DLG2: variants seen among roughly 807,000 people sequenced by gnomAD.
The protein encoded by DLG2 is disks large homolog 2.
Under a neutral mutation model 132.5 loss-of-function variants are expected in DLG2, and 45 were observed. That is an observed-to-expected ratio of 0.34 (90% CI 0.27 to 0.44). The LOEUF (loss-of-function observed/expected upper bound fraction) is 0.44, where lower values mean the gene tolerates loss of function less well. Ranked by LOEUF, DLG2 falls within the 20% of genes least tolerant of loss-of-function variation. DLG2 has a pLI of 1.00. For missense variants in DLG2, 1,045 were observed against 1,196.9 expected, an observed-to-expected ratio of 0.87 and a Z score of 1.87; for synonymous variants, 424 against 419.6, an observed-to-expected ratio of 1.01 and a Z score of -0.13.
At position 84,960,439 on chromosome 11, in the gene DLG2, CT is replaced by C. The variant is rs35143980; in HGVS notation, c.357+151221del. 4.3e-3 allele frequency among the ~76,000 whole-genome samples: 622 copies of C among 144,814 alleles called. 1 individual carries two copies. Among genetic ancestry groups the C allele is most frequent in the Admixed American group, 5.5e-3 (80 of 14,492 alleles). On this transcript the variant is annotated intron_variant, in intron 6 of 27. Coordinates refer to ENST00000376104, the MANE Select transcript of DLG2 (RefSeq NM_001142699.3). ...TATAACAAAATGTAAATTCTTTTAA[CT>C]TTTTTTTTTTTTTGAGATAGAGTCT...
chr11:85,252,606 AAGTT>A (rs1219984667), intron 4 of DLG2, among the ~76,000 whole-genome samples: 1 of 152,118 alleles, frequency 6.6e-6, no homozygotes. Context: ...AAAATAAAAA[AAGTT>A]AGGAATGGAC....
chr11:83,786,552 G>T, intron 18 of DLG2, 138 bp downstream of exon 18: 1 of 701,532 alleles, frequency 1.4e-6, no homozygotes, highest in Non-Finnish European at 2.4e-6. Context: ...CTTTGGACAT[G>T]AACCATCAAT....
At chr11:83,791,997 T>G (rs558893303) in intron 17 of DLG2, among the ~76,000 whole-genome samples, 2 of 152,366 alleles carry the variant, frequency 1.3e-5, no homozygotes, top group East Asian at 3.9e-4. Context: ...GATCATAACA[T>G]ATATAATTTG....
chr11:85,293,486 G>A (rs2079037691), intron 3 of DLG2, among the ~76,000 whole-genome samples: 1 of 152,134 alleles, frequency 6.6e-6, no homozygotes, highest in African/African-American at 2.4e-5. Context: ...ATACCAAGAA[G>A]AACATAGCAT....
intron 4 of DLG2, among the ~76,000 whole-genome samples, chr11:85,173,819 A>G (rs2079038017): frequency 6.6e-6 from 1 of 152,168 alleles, no homozygotes; most frequent in South Asian, 2.1e-4. Context: ...GGGGGTTGCA[A>G]TCCTAGTTTA....
intron 4 of DLG2, among the ~76,000 whole-genome samples, chr11:85,172,920 G>C (rs1318369571): frequency 1.3e-5 from 2 of 152,088 alleles, no homozygotes; most frequent in African/African-American, 4.8e-5. Flanking sequence ...AAAAAATAGA[G>C]AGTAAAGAAT....
At chr11:85,475,681 C>A (rs2093119539) in intron 3 of DLG2, among the ~76,000 whole-genome samples, 1 of 152,082 alleles carries the variant, frequency 6.6e-6, no homozygotes, top group Non-Finnish European at 1.5e-5. Context: ...TTTATTTATT[C>A]TTTACAACAA....
chr11:83,682,689 A>C (rs1055355538), intron 18 of DLG2, among the ~76,000 whole-genome samples: 1 of 152,138 alleles, frequency 6.6e-6, no homozygotes, highest in Non-Finnish European at 1.5e-5. Flanking sequence ...ATATTTGCAT[A>C]GCCTGTCACA....
At chr11:83,661,827 C>T (rs2074349105) in intron 18 of DLG2, among the ~76,000 whole-genome samples, 1 of 152,138 alleles carries the variant, frequency 6.6e-6, no homozygotes, top group Admixed American at 6.5e-5. Flanking sequence ...TAGTGACCTC[C>T]TATTGGGGGC....
At chr11:84,084,839 A>G (rs1337341041) in intron 10 of DLG2, among the ~76,000 whole-genome samples, 1 of 152,200 alleles carries the variant, frequency 6.6e-6, no homozygotes, top group Non-Finnish European at 1.5e-5. Flanking sequence ...AGTTCAATTG[A>G]TCAAGAATGC....
intron 6 of DLG2, among the ~76,000 whole-genome samples, chr11:85,037,633 CTCTT>C (rs942214570): frequency 2.6e-5 from 4 of 152,024 alleles, no homozygotes; most frequent in Non-Finnish European, 5.9e-5. Flanking sequence ...CGTAAACCCT[CTCTT>C]TATAGTTAAA....
chr11:84,183,150 C>T (rs899531543), intron 8 of DLG2, among the ~76,000 whole-genome samples: 3 of 152,136 alleles, frequency 2.0e-5, no homozygotes, highest in Admixed American at 2.0e-4. Flanking sequence ...AAGGTGAATC[C>T]TAACAATCAT....
intron 6 of DLG2, among the ~76,000 whole-genome samples, chr11:84,953,613 G>T (rs534735527): frequency 6.6e-6 from 1 of 152,130 alleles, no homozygotes; most frequent in South Asian, 2.1e-4. Flanking sequence ...TCTCTAATTT[G>T]CAGGGTAGTT....
intron 15 of DLG2, among the ~76,000 whole-genome samples, chr11:83,913,813 A>T (rs572787982): frequency 2.0e-5 from 3 of 152,242 alleles, no homozygotes; most frequent in Admixed American, 2.0e-4. Context: ...AACTGATATG[A>T]CTGAAGGACA....
chr11:85,175,304 G>T (rs2079153649), intron 4 of DLG2, among the ~76,000 whole-genome samples: 2 of 152,272 alleles, frequency 1.3e-5, no homozygotes, highest in African/African-American at 2.4e-5. Context: ...AGGATGCAAG[G>T]TTGGTTCAAC....
intron 15 of DLG2, among the ~76,000 whole-genome samples, chr11:83,891,349 T>C (rs1459782628): frequency 6.6e-6 from 1 of 152,134 alleles, no homozygotes; most frequent in Admixed American, 6.6e-5. Flanking sequence ...AGCAAGGAGA[T>C]AGTTTTAGTG....
At chr11:84,294,669 G>A (rs767123724) in intron 7 of DLG2, among the ~76,000 whole-genome samples, 14 of 152,026 alleles carry the variant, frequency 9.2e-5, no homozygotes, top group Non-Finnish European at 1.5e-4. Context: ...GGAATATAAC[G>A]CCATATTTTT....
At chr11:85,389,977 A>G (rs2086661270) in intron 3 of DLG2, among the ~76,000 whole-genome samples, 1 of 152,174 alleles carries the variant, frequency 6.6e-6, no homozygotes, top group Non-Finnish European at 1.5e-5. Flanking sequence ...GGCAACAAAC[A>G]GTATGATGAA....
At chr11:84,933,651 G>C (rs563017283) in intron 6 of DLG2, among the ~76,000 whole-genome samples, 3 of 152,048 alleles carry the variant, frequency 2.0e-5, no homozygotes, top group Non-Finnish European at 4.4e-5. Context: ...TTCATGATTC[G>C]GCTCTCAGCT....
Sources: gnomAD v4.1 joint callset for allele counts (sites outside exome capture counted in the v4.1 genomes callset) on GRCh38, gnomAD v4.1.1 for gene constraint, MANE v1.5 for transcripts, NCBI Gene and HGNC (gene_info 2026-07-23, HGNC 2026-07-21) for gene names.